EEFSEC: variants seen among roughly 807,000 people sequenced by gnomAD.
EEFSEC encodes the protein selenocysteine-specific elongation factor.
A neutral mutation model predicts 42.1 loss-of-function variants in EEFSEC; 43 were observed. The ratio of observed to expected loss-of-function variants is 1.02; its 90% CI spans 0.80 to 1.32. The LOEUF is 1.32. EEFSEC is among the 40% of genes most tolerant of loss of function. The probability of loss-of-function intolerance (pLI) is 0.00; values close to 1 mark genes in which losing one functional copy is unlikely to be tolerated. For missense variants in EEFSEC, 745 were observed against 803.6 expected (o/e 0.93, Z 0.88); for synonymous variants, 354 against 339.1 (o/e 1.04, Z -0.48).
intron 5 of EEFSEC, among the ~76,000 whole-genome samples, chr3:128,349,719 T>C (rs2067360425): frequency 6.6e-6 from 1 of 152,178 alleles, no homozygotes; most frequent in Non-Finnish European, 1.5e-5. Context: ...TCCTGCCAGC[T>C]CTTACTCAGA....
intron 4 of EEFSEC, among the ~76,000 whole-genome samples, chr3:128,316,647 G>A (rs1235383253): frequency 1.3e-5 from 2 of 152,338 alleles, no homozygotes; most frequent in East Asian, 1.9e-4. Flanking sequence ...CCAAGGGCAC[G>A]TGGGGGATGA....
chr3:128,164,973 G>A (rs545708331), intron 1 of EEFSEC, among the ~76,000 whole-genome samples: 12 of 152,310 alleles, frequency 7.9e-5, no homozygotes, highest in East Asian at 3.9e-4. Flanking sequence ...CAGGCAAGGC[G>A]GATGCCATCA....
chr3:128,238,569 A>G (rs530365972), intron 1 of EEFSEC, among the ~76,000 whole-genome samples: 1 of 152,314 alleles, frequency 6.6e-6, no homozygotes, highest in South Asian at 2.1e-4. Flanking sequence ...GTGCAGTGGC[A>G]TAGTCTCGGC....
intron 1 of EEFSEC, among the ~76,000 whole-genome samples, chr3:128,165,558 G>A (rs1388116764): frequency 6.6e-6 from 1 of 152,202 alleles, no homozygotes; most frequent in Admixed American, 6.5e-5. Flanking sequence ...AACTTTTGCT[G>A]TTGAGAGAGA....
chr3:128,390,574 C>G (rs2067896731), intron 6 of EEFSEC, among the ~76,000 whole-genome samples: 1 of 152,212 alleles, frequency 6.6e-6, no homozygotes, highest in African/African-American at 2.4e-5. Context: ...CTGTTCTCTA[C>G]AGACAGTCAT....
intron 6 of EEFSEC, among the ~76,000 whole-genome samples, chr3:128,368,749 C>T (rs112785670): frequency 1.1e-4 from 17 of 152,222 alleles, no homozygotes; most frequent in African/African-American, 4.1e-4. Flanking sequence ...GAGGAGTAAA[C>T]CAGTGTGCAA....
At chr3:128,180,748 G>T (rs538119599) in intron 1 of EEFSEC, among the ~76,000 whole-genome samples, 1 of 152,336 alleles carries the variant, frequency 6.6e-6, no homozygotes, top group Admixed American at 6.5e-5. Context: ...AGCAGAACCT[G>T]CGAGCTAGTG....
At chr3:128,311,642 A>G (rs759543485) in intron 4 of EEFSEC, among the ~76,000 whole-genome samples, 1 of 152,184 alleles carries the variant, frequency 6.6e-6, no homozygotes, top group Non-Finnish European at 1.5e-5. Flanking sequence ...AGGCTTCGGT[A>G]GCACTCTTTC....
chr3:128,278,815 C>G (rs1338253850), intron 4 of EEFSEC, among the ~76,000 whole-genome samples: 1 of 152,176 alleles, frequency 6.6e-6, no homozygotes, highest in Non-Finnish European at 1.5e-5. Context: ...CTGGGAGAAG[C>G]TGCCCAGCCT....
chr3:128,259,135 T>C (rs2999068), intron 2 of EEFSEC, among the ~76,000 whole-genome samples: 127,812 of 152,146 alleles, frequency 0.84, 54,158 homozygotes, highest in East Asian at 0.99. Context: ...CAATTGCTTG[T>C]ACCATTGGTG....
intron 1 of EEFSEC, among the ~76,000 whole-genome samples, chr3:128,193,742 G>T (rs950789433): frequency 1.3e-5 from 2 of 152,010 alleles, no homozygotes; most frequent in Non-Finnish European, 1.5e-5. Context: ...ACACTAATCC[G>T]CAGGCCAGGA....
At chr3:128,203,891 C>T (rs952967449) in intron 1 of EEFSEC, among the ~76,000 whole-genome samples, 2 of 152,182 alleles carry the variant, frequency 1.3e-5, no homozygotes, top group East Asian at 1.9e-4. Flanking sequence ...TCAATAATCC[C>T]AGGAATTCTT....
intron 5 of EEFSEC, among the ~76,000 whole-genome samples, chr3:128,356,087 A>G (rs1210500757): frequency 1.3e-5 from 2 of 152,152 alleles, no homozygotes; most frequent in East Asian, 3.8e-4. Flanking sequence ...GAATTCTGTT[A>G]TTTTCCTGTA....
At chr3:128,173,640 A>G (rs1256962227) in intron 1 of EEFSEC, among the ~76,000 whole-genome samples, 3 of 152,072 alleles carry the variant, frequency 2.0e-5, no homozygotes, top group Non-Finnish European at 2.9e-5. Context: ...AATAATTTTT[A>G]TTTCCCTTCT....
chr3:128,153,687 G>A lies in EEFSEC; in HGVS notation c.180G>A (p.Leu60=), dbSNP rs560827533. The A allele has an allele frequency of 1.3e-6, 2 of 1,591,954 alleles. No individual in the cohort carries two copies. Among genetic ancestry groups the A allele is most frequent in the Non-Finnish European group, 1.7e-6 (2 of 1,176,518 alleles). ...DLGFSCFSVP[L]PARLRSSLPE... is the part of the protein sequence containing the mutation. ...GCTTCTCGTGCTTCTCGGTGCCGCTGCCCGCGCGCCTGCGGTCGTCTTTGC... is the reference window on the plus strand; with the variant it reads ...GCTTCTCGTGCTTCTCGGTGCCGCTACCCGCGCGCCTGCGGTCGTCTTTGC... Residue 60 remains leucine (L), a synonymous_variant, in exon 1 of 7, where the codon CTG becomes CTA. Coordinates refer to ENST00000254730, the MANE Select transcript of EEFSEC (RefSeq NM_021937.5).
At chr3:128,294,104 A>C (rs2066676678) in intron 4 of EEFSEC, among the ~76,000 whole-genome samples, 1 of 152,174 alleles carries the variant, frequency 6.6e-6, no homozygotes. Context: ...CAGAGCCAGC[A>C]CTTCTGTAGA....
In EEFSEC at chr3:128,247,059, A is replaced by T; in HGVS notation, c.524+16A>T. 6.2e-7 allele frequency: 1 copy of T among 1,613,182 alleles called. No homozygotes were observed. Among genetic ancestry groups the T allele is most frequent in the Non-Finnish European group, 8.5e-7 (1 of 1,179,574 alleles). ...AGAACACCAAGTAGGTCTGCTAATG[A>T]GAGCAATGTTCACTGCATAAGAAGG... is the stretch of plus-strand genomic sequence containing the variant. On this transcript the variant is annotated intron_variant, in intron 2 of 6. Transcript: ENST00000254730.
chr3:128,158,178 C>A (rs1301853145), intron 1 of EEFSEC, among the ~76,000 whole-genome samples: 2 of 152,196 alleles, frequency 1.3e-5, no homozygotes, highest in Non-Finnish European at 2.9e-5. Context: ...TTGCTACAAT[C>A]TCATGATCAA....
chr3:128,408,352 C>A lies in EEFSEC; in HGVS notation c.*93C>A, dbSNP rs1034011277. The A allele has an allele frequency of 2.2e-6, 3 of 1,338,282 alleles. No individual in the cohort carries two copies. Among genetic ancestry groups the A allele is most frequent in the African/African-American group, 1.5e-5 (1 of 67,206 alleles). 82.9% of individuals were successfully genotyped at this position (1,338,282 alleles called of 1,614,324 possible). The stretch of plus-strand genomic sequence containing the variant: ...CAGCCACGCCTCAGCCTCTCCCAGT[C>A]TCTCCCTGCAGTCCTGCAGCAGCAG... On this transcript the variant is annotated 3_prime_UTR_variant, in exon 7 of 7. Transcript: ENST00000254730.
Sources: allele counts gnomAD v4.1 joint callset (sites outside exome capture counted in the v4.1 genomes callset), GRCh38; gene constraint gnomAD v4.1.1; transcripts MANE v1.5; gene names NCBI Gene and HGNC (gene_info 2026-07-23, HGNC 2026-07-21).